CDH12: variants seen among roughly 807,000 people sequenced by gnomAD.
CDH12 encodes the protein cadherin 12.
CDH12 carries 41 observed loss-of-function variants against 74.1 expected under a neutral mutation model. The observed-to-expected ratio is 0.55, with a 90% CI of 0.43 to 0.72. CDH12 has a LOEUF of 0.72. Among genes scored for constraint, CDH12 ranks in the 30% least tolerant of loss-of-function variants. The probability of loss-of-function intolerance (pLI) is 0.00; values close to 1 mark genes in which losing one functional copy is unlikely to be tolerated. For synonymous variants in CDH12, 399 were observed against 355.0 expected, an observed-to-expected ratio of 1.12 and a Z score of -1.39; for missense variants, 945 against 977.2, an observed-to-expected ratio of 0.97 and a Z score of 0.44.
At chr5:22,219,799 C>T (rs1436335363) in intron 3 of CDH12, among the ~76,000 whole-genome samples, 1 of 151,394 alleles carries the variant, frequency 6.6e-6, no homozygotes, top group Non-Finnish European at 1.5e-5. Flanking sequence ...TGAGTTTTCT[C>T]AGATGAAAAA....
rs1011773816 is a variant in CDH12, at chr5:22,527,108, A to T, written c.-522-21744T>A. On this transcript the variant is annotated intron_variant, in intron 1 of 14. Coordinates refer to ENST00000382254, the MANE Select transcript of CDH12 (RefSeq NM_004061.5). ...AGAACCAGTGTCAAAAGTCCCCAAA[A>T]GTTCTTCTCATTTCATTTTGTACCA... is the stretch of plus-strand genomic sequence containing the variant. Among the ~76,000 whole-genome samples the T allele has an allele frequency of 7.2e-5, 11 of 152,132 alleles. No homozygotes were observed. The East Asian group carries it at 2.1e-3, about 29-fold the overall frequency.
At chr5:22,273,335 G>A (rs1230870423) in intron 3 of CDH12, among the ~76,000 whole-genome samples, 1 of 152,194 alleles carries the variant, frequency 6.6e-6, no homozygotes, top group Non-Finnish European at 1.5e-5. Flanking sequence ...GAAATATGGT[G>A]CTGATAGGCC....
At chr5:21,948,267 G>A (rs1400494096) in intron 6 of CDH12, among the ~76,000 whole-genome samples, 1 of 152,156 alleles carries the variant, frequency 6.6e-6, no homozygotes, top group Non-Finnish European at 1.5e-5. Context: ...AGCTTGTACT[G>A]TGCACCTGGA....
chr5:22,325,423 GA>G (rs1391984048), intron 3 of CDH12, among the ~76,000 whole-genome samples: 1 of 151,868 alleles, frequency 6.6e-6, no homozygotes, highest in Non-Finnish European at 1.5e-5. Context: ...AATACCACAT[GA>G]AAAAAAGTAT....
Position 21,975,112 on chromosome 5 carries a change from C to G in CDH12, c.505G>C (p.Val169Leu), listed in dbSNP as rs764711772. ...TCACCCACAGGAGACATTTCTGGAA[C>G]AGTAGCAACATAAGGTCCATCCAAA... is the stretch of plus-strand genomic sequence containing the variant. The part of the protein sequence containing the change: ...KFLDGPYVAT[V>L]PEMSPVGAYV... Residue 169 changes from valine to leucine, a missense_variant, in exon 6 of 15, where the codon GTT becomes CTT. This residue lies in a region of CDH12 where 791 missense variants were observed against 792.8 expected (regional missense o/e 1.00). Transcript: ENST00000382254. 8.8e-6 allele frequency: 14 copies of G among 1,596,194 alleles called. No homozygotes were observed. Among genetic ancestry groups the G allele is most frequent in the Non-Finnish European group, 1.1e-5 (13 of 1,179,126 alleles).
chr5:22,806,508 A>G, intron 1 of CDH12, among the ~76,000 whole-genome samples: 1 of 151,794 alleles, frequency 6.6e-6, no homozygotes, highest in Non-Finnish European at 1.5e-5. Flanking sequence ...GCCCGCCATC[A>G]CGCCCGGCTA....
At chr5:22,767,008 G>A (rs908618995) in intron 1 of CDH12, among the ~76,000 whole-genome samples, 2 of 151,830 alleles carry the variant, frequency 1.3e-5, no homozygotes, top group Non-Finnish European at 2.9e-5. Flanking sequence ...TCAATTTTTT[G>A]TGATTTTTTA....
intron 3 of CDH12, among the ~76,000 whole-genome samples, chr5:22,377,429 C>G (rs1046423506): frequency 1.1e-4 from 16 of 152,156 alleles, no homozygotes; most frequent in African/African-American, 3.4e-4. Flanking sequence ...AATGAGCCTT[C>G]CTGGTGGAAT....
intron 8 of CDH12, among the ~76,000 whole-genome samples, chr5:21,834,009 G>A (rs1472112674): frequency 6.6e-6 from 1 of 151,848 alleles, no homozygotes; most frequent in Non-Finnish European, 1.5e-5. Context: ...AAAAAAGCTG[G>A]TTTTATAATG....
At chr5:21,880,607 CCTT>C (rs1752243817) in intron 6 of CDH12, among the ~76,000 whole-genome samples, 3 of 70,086 alleles carry the variant, frequency 4.3e-5, no homozygotes, top group African/African-American at 1.5e-4. Flanking sequence ...TTCCTTCCTT[CCTT>C]CCTTCCTTCT....
chr5:22,019,625 C>T (rs115730153), intron 5 of CDH12, among the ~76,000 whole-genome samples: 4,391 of 152,254 alleles, frequency 0.029, 82 homozygotes, highest in Non-Finnish European at 0.041. Context: ...AAAGGGCCCT[C>T]GCCATGAACC....
At chr5:22,012,096 G>T (rs1470541629) in intron 5 of CDH12, among the ~76,000 whole-genome samples, 1 of 151,378 alleles carries the variant, frequency 6.6e-6, no homozygotes, top group Non-Finnish European at 1.5e-5. Flanking sequence ...CTATATTTCT[G>T]AAAATTTTCT....
chr5:22,513,907 C>G (rs1241353798), intron 1 of CDH12, among the ~76,000 whole-genome samples: 1 of 146,694 alleles, frequency 6.8e-6, no homozygotes, highest in Non-Finnish European at 1.5e-5. Context: ...GAGATCCTGC[C>G]ACTGCACTCC....
intron 1 of CDH12, among the ~76,000 whole-genome samples, chr5:22,690,076 T>C (rs1001101219): frequency 1.3e-5 from 2 of 152,132 alleles, no homozygotes; most frequent in African/African-American, 4.8e-5. Flanking sequence ...GAAATAAAAA[T>C]TGCATGTGAC....
At chr5:22,579,766 A>T (rs1739984740) in intron 1 of CDH12, among the ~76,000 whole-genome samples, 3 of 152,242 alleles carry the variant, frequency 2.0e-5, no homozygotes, top group East Asian at 1.9e-4. Context: ...TTATTTCAAC[A>T]AATATATCAG....
At chr5:22,681,228 G>GGTGTGTGTGT (rs1035806842) in intron 1 of CDH12, among the ~76,000 whole-genome samples, 10 of 105,820 alleles carry the variant, frequency 9.5e-5, no homozygotes, top group African/African-American at 3.1e-4. Context: ...GGTATTGGGG[G>GGTGTGTGTGT]GTGTGTGTGT....
intron 1 of CDH12, among the ~76,000 whole-genome samples, chr5:22,622,922 TA>T (rs980731928): frequency 3.3e-5 from 5 of 152,186 alleles, no homozygotes; most frequent in Non-Finnish European, 7.3e-5. Context: ...AAATCCTCAA[TA>T]AAATACTGGC....
chr5:22,352,971 G>A (rs960983252), intron 3 of CDH12, among the ~76,000 whole-genome samples: 1 of 152,170 alleles, frequency 6.6e-6, no homozygotes, highest in Non-Finnish European at 1.5e-5. Flanking sequence ...CGGAATTCAT[G>A]TTATGTAGAG....
intron 3 of CDH12, among the ~76,000 whole-genome samples, chr5:22,244,548 AG>A (rs1752857347): frequency 8.2e-6 from 1 of 121,444 alleles, no homozygotes; most frequent in African/African-American, 3.0e-5. Flanking sequence ...AAGAAGAAGA[AG>A]AAGAAGAAAG....
Sources: allele counts gnomAD v4.1 joint callset (sites outside exome capture counted in the v4.1 genomes callset), GRCh38; gene constraint gnomAD v4.1.1; regional missense constraint gnomAD v4.1.1; transcripts MANE v1.5; gene names NCBI Gene and HGNC (gene_info 2026-07-23, HGNC 2026-07-21).